ZMIZ1: variants seen among roughly 807,000 people sequenced by gnomAD.
ZMIZ1 encodes the protein zinc finger MIZ-type containing 1.
In ZMIZ1, 17 loss-of-function variants were observed where a neutral mutation model predicts 113.9. That is an observed-to-expected ratio of 0.15 (90% CI 0.10 to 0.22). The LOEUF is 0.22. Ranked by LOEUF, ZMIZ1 falls within the 10% of genes least tolerant of loss-of-function variation. The pLI is 1.00. For synonymous variants in ZMIZ1, 607 were observed against 603.1 expected (o/e 1.01, Z -0.09); for missense variants, 1,059 against 1,477.8 (o/e 0.72, Z 4.65).
chr10:79,260,393 A>G (rs1851198606), intron 7 of ZMIZ1, among the ~76,000 whole-genome samples: 2 of 152,190 alleles, frequency 1.3e-5, no homozygotes, highest in Non-Finnish European at 2.9e-5. Context: ...GAGGTACGAC[A>G]ATTCATAAAC....
chr10:79,118,214 C>T lies in ZMIZ1; in HGVS notation c.-336-701C>T, dbSNP rs946526105. On this transcript the variant is annotated intron_variant, in intron 1 of 24. Transcript: ENST00000334512. The surrounding 1 kb of genome is among the most constrained non-coding windows in gnomAD (Gnocchi z 4.1). ...TCAATCTGACCCCATATTCTAGAAT[C>T]GAATAGAGGAAGGGATGGGGGGAGG... is the stretch of plus-strand genomic sequence containing the variant. Among the ~76,000 whole-genome samples the T allele has an allele frequency of 3.3e-5, 5 of 152,192 alleles. No individual in the cohort carries two copies. The highest frequency in any genetic ancestry group is 1.2e-4 in the African/African-American group (5 of 41,446).
chr10:79,069,048 G>T lies in ZMIZ1; in HGVS notation c.-559G>T. The T allele has an allele frequency of 6.6e-6, 1 of 151,402 alleles. No individual in the cohort carries two copies. Among genetic ancestry groups the T allele is most frequent in the South Asian group, 1.8e-4 (1 of 5,610 alleles). The allele number at this position is 151,402 out of a possible 1,614,324, so 9.4% of individuals were successfully genotyped here. Reference sequence around the variant, plus strand: ...GAGCGGCGGCGGCGGGCGCCGGGGAGAGCGGGCGGCCGGGCGGCAGGCGGG... The same window carrying T: ...GAGCGGCGGCGGCGGGCGCCGGGGATAGCGGGCGGCCGGGCGGCAGGCGGG... On this transcript the variant is annotated 5_prime_UTR_variant, in exon 1 of 25. Transcript: ENST00000334512. The surrounding 1 kb of genome is among the most constrained non-coding windows in gnomAD (Gnocchi z 4.6).
At chr10:79,143,972 A>T (rs576401490) in intron 3 of ZMIZ1, among the ~76,000 whole-genome samples, 1 of 152,216 alleles carries the variant, frequency 6.6e-6, no homozygotes, top group South Asian at 2.1e-4. Flanking sequence ...CTCCCTCGGG[A>T]AAGTCAGGGG....
chr10:79,315,084 C>T lies in ZMIZ1; in HGVS notation c.*2335C>T, dbSNP rs1022339510. Reference sequence around the variant, plus strand: ...GGAGAGTCGAGATGCTCCCTGCAGCCCAGGCCCCGGGCACCTCCTGCAACC... The same window carrying T: ...GGAGAGTCGAGATGCTCCCTGCAGCTCAGGCCCCGGGCACCTCCTGCAACC... On this transcript the variant is annotated 3_prime_UTR_variant, in exon 25 of 25. Transcript: ENST00000334512. 1 of 152,900 alleles carries T rather than the reference C, an allele frequency of 6.5e-6. No homozygotes were observed. Among genetic ancestry groups the T allele is most frequent in the African/African-American group, 2.4e-5 (1 of 41,464 alleles). 9.5% of individuals were successfully genotyped at this position (152,900 alleles called of 1,614,324 possible).
intron 8 of ZMIZ1, among the ~76,000 whole-genome samples, chr10:79,282,433 G>A (rs1223504477): frequency 1.3e-5 from 2 of 152,188 alleles, no homozygotes; most frequent in African/African-American, 4.8e-5. Context: ...AAATGGGAGA[G>A]GATGAGGGAG....
intron 2 of ZMIZ1, among the ~76,000 whole-genome samples, chr10:79,125,750 G>A (rs375165410): frequency 1.6e-4 from 24 of 152,310 alleles, no homozygotes; most frequent in African/African-American, 3.9e-4. Context: ...CCTCTCTCTC[G>A]TGTTGGGAGG....
At chr10:79,216,505 A>C (rs751376817) in intron 7 of ZMIZ1, 10 of 377,684 alleles carry the variant, frequency 2.6e-5, no homozygotes, top group Non-Finnish European at 4.8e-5. Context: ...AGGGCCAGAG[A>C]GGCTCCCGAG....
chr10:79,106,730 A>G (rs968184923), intron 1 of ZMIZ1, among the ~76,000 whole-genome samples: 2 of 152,232 alleles, frequency 1.3e-5, no homozygotes, highest in Non-Finnish European at 2.9e-5. Flanking sequence ...AGGGCTGGAT[A>G]TGGGGTAGGT....
intron 1 of ZMIZ1, among the ~76,000 whole-genome samples, chr10:79,114,475 GT>G (rs1843907838): frequency 7.9e-6 from 1 of 125,974 alleles, no homozygotes; most frequent in Non-Finnish European, 1.7e-5. Context: ...GTGTGTGTGT[GT>G]CTGTGTGTGT....
chr10:79,286,833 C>G (rs1296880783), intron 8 of ZMIZ1, among the ~76,000 whole-genome samples: 1 of 152,242 alleles, frequency 6.6e-6, no homozygotes, highest in Non-Finnish European at 1.5e-5. Context: ...TTGCCCACTC[C>G]CTGGCCACAG....
rs1349490190 is a variant in ZMIZ1 at position 79,115,490 on chromosome 10, G to A, written c.-336-3425G>A. Among the ~76,000 whole-genome samples, 6 of 152,306 alleles carry A rather than the reference G, an allele frequency of 3.9e-5. No homozygotes were observed. In the South Asian group the frequency reaches 1.2e-3, roughly 32 times the overall value. On this transcript the variant is annotated intron_variant, in intron 1 of 24. Coordinates refer to ENST00000334512, the MANE Select transcript of ZMIZ1 (RefSeq NM_020338.4). ...GAGGTGGCTGCATCATCCTATTGCT[G>A]GTAAGCATCATCGCTGGTACAGTGG...
rs893266553 is a variant in ZMIZ1, at chr10:79,290,962, C to A, written c.544C>A (p.Leu182Ile). Residue 182 changes from leucine (L) to isoleucine (I), a missense_variant, in exon 10 of 25, where the codon CTT becomes ATT. Leu to Ile is a conservative substitution (Grantham distance 5, BLOSUM62 2). Transcript: ENST00000334512. ...ACAACCACTTCTCTGCCCACAGGTC[C>A]TTGGGAACCCTATGGCCAATGCCAA... ...GVTNTSQSQV[L>I]GNPMANANNP... 1.2e-6 allele frequency: 2 copies of A among 1,613,308 alleles called. No individual in the cohort carries two copies. Among genetic ancestry groups the A allele is most frequent in the Non-Finnish European group, 1.7e-6 (2 of 1,179,370 alleles).
chr10:79,203,275 C>A (rs139113074), intron 5 of ZMIZ1, among the ~76,000 whole-genome samples: 2 of 152,158 alleles, frequency 1.3e-5, no homozygotes, highest in Non-Finnish European at 1.5e-5. Flanking sequence ...TTATTAGCAT[C>A]GAGCAGAGGA....
At position 79,239,362 on chromosome 10, in the gene ZMIZ1, G is replaced by A. The variant is rs150532017; in HGVS notation, c.280+23088G>A. ...TCCCACGTGTCCTGAGAAGGACCAG[G>A]GATGTGAAGGTGGATGGCCCAGGCA... On this transcript the variant is annotated intron_variant, in intron 7 of 24. Coordinates refer to ENST00000334512, the MANE Select transcript of ZMIZ1 (RefSeq NM_020338.4). Among the ~76,000 whole-genome samples, 250 of 152,326 alleles carry A rather than the reference G, an allele frequency of 1.6e-3. 1 individual carries two copies. Among genetic ancestry groups the A allele is most frequent in the Non-Finnish European group, 2.9e-3 (194 of 68,022 alleles).
intron 7 of ZMIZ1, among the ~76,000 whole-genome samples, chr10:79,250,553 T>A (rs1483194848): frequency 1.3e-5 from 2 of 152,228 alleles, no homozygotes; most frequent in Non-Finnish European, 2.9e-5. Flanking sequence ...TTCATTTCCC[T>A]CTTGGGGAAT....
chr10:79,208,892 C>T (rs937065816), intron 6 of ZMIZ1, among the ~76,000 whole-genome samples: 7 of 152,200 alleles, frequency 4.6e-5, no homozygotes, highest in Non-Finnish European at 1.0e-4. Flanking sequence ...ATCCGTCTAA[C>T]CAAATGAGCA....
chr10:79,149,403 C>T lies in ZMIZ1; in HGVS notation c.-131+9626C>T, dbSNP rs77896397. Among the ~76,000 whole-genome samples, 4 of 152,334 alleles carry T rather than the reference C, an allele frequency of 2.6e-5. No individual in the cohort carries two copies. In the East Asian group the frequency reaches 7.7e-4, roughly 29 times the overall value. On this transcript the variant is annotated intron_variant, in intron 3 of 24. Transcript: ENST00000334512. ...CTGAGGGCCTCTGTTCAGATCTCTG[C>T]CCTCACTGGGTCGGGCTGCCAACCT... is the stretch of plus-strand genomic sequence containing the variant.
intron 7 of ZMIZ1, among the ~76,000 whole-genome samples, chr10:79,246,564 G>A (rs1302916283): frequency 3.9e-5 from 6 of 152,120 alleles, no homozygotes; most frequent in East Asian, 1.9e-4. Flanking sequence ...GTACAGGCCC[G>A]AACCCAGCAG....
intron 3 of ZMIZ1, among the ~76,000 whole-genome samples, chr10:79,145,326 C>G (rs868821891): frequency 2.1e-5 from 2 of 96,822 alleles, no homozygotes; most frequent in Middle Eastern, 5.5e-3. Flanking sequence ...GAGCCTTTCC[C>G]GAAGCTGCAT....
Sources: allele counts gnomAD v4.1 joint callset (sites outside exome capture counted in the v4.1 genomes callset), GRCh38; gene constraint gnomAD v4.1.1; non-coding constraint Gnocchi (gnomAD v3.1); transcripts MANE v1.5; gene names NCBI Gene and HGNC (gene_info 2026-07-23, HGNC 2026-07-21).